Variants in FBH1 observed in about 807,000 individuals in gnomAD.
The protein encoded by FBH1 is DNA 3'-5' helicase 1.
In FBH1, 43 loss-of-function variants were observed where a neutral mutation model predicts 115.5. The ratio of observed to expected loss-of-function variants is 0.37; its 90% CI spans 0.29 to 0.48. The LOEUF (loss-of-function observed/expected upper bound fraction) is 0.48. Ranked by LOEUF, FBH1 falls within the 20% of genes least tolerant of loss-of-function variation. The pLI, the probability that FBH1 is intolerant of heterozygous loss-of-function variation, is 0.99. For missense variants in FBH1, 1,001 were observed against 1,337.3 expected (o/e 0.75, Z 3.92); for synonymous variants, 524 against 507.8 (o/e 1.03, Z -0.43).
Position 5,923,228 on chromosome 10 carries a change from G to T in FBH1, c.2323-393G>T, listed in dbSNP as rs1379277860. ...AAACAGTGGTAAATGTGCATACCCAGCACTTTGTATTCAGGTGCCATTTGT... is the reference window on the plus strand; with the variant it reads ...AAACAGTGGTAAATGTGCATACCCATCACTTTGTATTCAGGTGCCATTTGT... On this transcript the variant is annotated intron_variant, in intron 15 of 20. Transcript: ENST00000362091. The surrounding 1 kb of genome is among the most constrained non-coding windows in gnomAD (Gnocchi z 5.7). 6.6e-6 allele frequency among the ~76,000 whole-genome samples: 1 copy of T among 152,198 alleles called. No homozygotes were observed. The highest frequency in any genetic ancestry group is 1.5e-5 in the Non-Finnish European group (1 of 68,038).
intron 1 of FBH1, among the ~76,000 whole-genome samples, chr10:5,899,068 A>G (rs948547740): frequency 6.6e-6 from 1 of 152,214 alleles, no homozygotes; most frequent in African/African-American, 2.4e-5. Flanking sequence ...CAAATCTGCC[A>G]GCCTCTGTTT....
At chr10:5,894,857 C>T (rs1842920333) in intron 1 of FBH1, among the ~76,000 whole-genome samples, 1 of 152,176 alleles carries the variant, frequency 6.6e-6, no homozygotes, top group Non-Finnish European at 1.5e-5. Context: ...ATATGTAATA[C>T]AGTGCAATTA....
Position 5,915,450 on chromosome 10 carries a change from C to G in FBH1, c.1444C>G (p.Gln482Glu), listed in dbSNP as rs1831866212. The G allele has an allele frequency of 1.2e-6, 2 of 1,614,090 alleles. No homozygotes were observed. The highest frequency in any genetic ancestry group is 2.7e-5 in the African/African-American group (2 of 74,924). The change falls in exon 9 of 21, where the codon CAG becomes GAG. Residue 482 changes from glutamine to glutamate, a missense_variant. This residue lies in a region of FBH1 where 521 missense variants were observed against 811.0 expected (regional missense o/e 0.64). Transcript: ENST00000362091. This position sits in a 1 kb window ranked among gnomAD's most constrained non-coding sequence, Gnocchi z 5.2. ...GGTCAAGTATGCAGAGAAGTGGTCT[C>G]AGAGCAGGTTTCTGTATGTGACATT... is the stretch of plus-strand genomic sequence containing the variant. The part of the protein sequence containing the change: ...TLVKYAEKWS[Q>E]SRFLYVTFNK...
chr10:5,892,729 T>G (rs1387321775), intron 1 of FBH1, among the ~76,000 whole-genome samples: 1 of 152,274 alleles, frequency 6.6e-6, no homozygotes, highest in Non-Finnish European at 1.5e-5. Flanking sequence ...CTTTTATTCC[T>G]TAACATGGTT....
intron 15 of FBH1, among the ~76,000 whole-genome samples, chr10:5,922,399 A>G (rs1832368338): frequency 6.6e-6 from 1 of 152,188 alleles, no homozygotes; most frequent in Non-Finnish European, 1.5e-5. Context: ...TTTTTCACTC[A>G]ACACATAGGC....
intron 1 of FBH1, among the ~76,000 whole-genome samples, chr10:5,899,692 C>T (rs538181167): frequency 3.3e-5 from 5 of 152,274 alleles, no homozygotes; most frequent in South Asian, 2.1e-4. Flanking sequence ...CCAGGATTTT[C>T]GGGTGTTCTG....
In FBH1 at chr10:5,914,805, G is replaced by A. The variant is rs1050253811; in HGVS notation, c.1396+536G>A. On this transcript the variant is annotated intron_variant, in intron 8 of 20. Transcript: ENST00000362091. This position sits in a 1 kb window ranked among gnomAD's most constrained non-coding sequence, Gnocchi z 5.2. Reference sequence around the variant, plus strand: ...GCTATTTGCTATTTTTTTTCTGCCTGTAATCCCTTCCTGCTCCTTTTGTGG... The same window carrying A: ...GCTATTTGCTATTTTTTTTCTGCCTATAATCCCTTCCTGCTCCTTTTGTGG... Among the ~76,000 whole-genome samples the A allele has an allele frequency of 1.3e-5, 2 of 152,070 alleles. No individual in the cohort carries two copies. Among genetic ancestry groups the A allele is most frequent in the African/African-American group, 4.8e-5 (2 of 41,404 alleles).
chr10:5,902,870 TGGG>T lies in FBH1; in HGVS notation c.2-146_2-144del, dbSNP rs1267651024. On this transcript the variant is annotated intron_variant, in intron 1 of 20. Transcript: ENST00000362091. ...TGCGAAGAAATTGAAAGGACAAAGT[TGGG>T]GGGCAAGGGGAGGGGGGAACGGTTG... 1.3e-5 allele frequency: 7 copies of T among 540,850 alleles called. No individual in the cohort carries two copies. In the East Asian group the frequency reaches 1.7e-4, roughly 13 times the overall value. 33.5% of individuals were successfully genotyped at this position (540,850 alleles called of 1,614,324 possible).
intron 1 of FBH1, among the ~76,000 whole-genome samples, chr10:5,891,591 C>T (rs1001182361): frequency 1.3e-5 from 2 of 152,126 alleles, no homozygotes; most frequent in African/African-American, 4.8e-5. Flanking sequence ...TTGGGACACA[C>T]GGGTTCACAG....
intron 18 of FBH1, among the ~76,000 whole-genome samples, chr10:5,926,902 GAC>G (rs1354061157): frequency 3.3e-5 from 5 of 152,244 alleles, no homozygotes; most frequent in Admixed American, 6.5e-5. Context: ...GAACAGCACA[GAC>G]ACACAGCACA....
chr10:5,927,372 A>G (rs1270161626), intron 18 of FBH1, 63 bp from the exon 19 acceptor site: 20 of 1,236,244 alleles, frequency 1.6e-5, no homozygotes, highest in Middle Eastern at 2.0e-4. Flanking sequence ...TAGATGAGAC[A>G]TAAGGTTTTG....
chr10:5,892,617 T>C (rs897806458), intron 1 of FBH1, among the ~76,000 whole-genome samples: 6 of 152,234 alleles, frequency 3.9e-5, no homozygotes, highest in African/African-American at 1.2e-4. Flanking sequence ...AAACATGGTA[T>C]TCCACAGATA....
At chr10:5,899,920 C>T (rs998022460) in intron 1 of FBH1, among the ~76,000 whole-genome samples, 2 of 152,164 alleles carry the variant, frequency 1.3e-5, no homozygotes, top group African/African-American at 4.8e-5. Flanking sequence ...ACTTCACATT[C>T]ATATTTTGTT....
At position 5,915,634 on chromosome 10, in the gene FBH1, C is replaced by T. The variant is rs552364773; in HGVS notation, c.1565+63C>T. On this transcript the variant is annotated intron_variant, in intron 9 of 20. Transcript: ENST00000362091. This position sits in a 1 kb window ranked among gnomAD's most constrained non-coding sequence, Gnocchi z 5.2. The stretch of plus-strand genomic sequence containing the variant: ...GCACGGTCGCGTCTTACTGTTTTCC[C>T]GTGACGATCACATGTGAGCTTACAC... The T allele has an allele frequency of 2.1e-5, 31 of 1,504,680 alleles. No homozygotes were observed. In the Admixed American group the frequency reaches 2.1e-4, roughly 10 times the overall value. 93.2% of individuals were successfully genotyped at this position (1,504,680 alleles called of 1,614,324 possible).
chr10:5,909,133 T>C lies in FBH1; in HGVS notation c.885-26T>C. On this transcript the variant is annotated intron_variant, in intron 4 of 20. Transcript: ENST00000362091. This position sits in a 1 kb window ranked among gnomAD's most constrained non-coding sequence, Gnocchi z 4.4. The stretch of plus-strand genomic sequence containing the variant: ...TCAGTGCTTATGGTCACCCTACTCA[T>C]GGCCTCTCCTGTGAATGTCTTACAG... 6.2e-7 allele frequency: 1 copy of C among 1,613,462 alleles called. No individual in the cohort carries two copies. The highest frequency in any genetic ancestry group is 8.5e-7 in the Non-Finnish European group (1 of 1,179,802).
Position 5,906,304 on chromosome 10 carries a change from G to A in FBH1, c.425G>A (p.Gly142Glu), listed in dbSNP as rs750988878. Residue 142 changes from glycine to glutamate, a missense_variant, in exon 3 of 21, where the codon GGA (glycine) becomes GAA (glutamate). Coordinates refer to ENST00000362091, the MANE Select transcript of FBH1 (RefSeq NM_178150.3). The surrounding 1 kb of genome is among the most constrained non-coding windows in gnomAD (Gnocchi z 7.3). ...GCTACCGGGACCAGCCGGTGGGATG[G>A]AGTTTCTAAGAAAGCTCCACGGCAC... ...NQATGTSRWD[G>E]VSKKAPRHHL... is the part of the protein sequence containing the mutation. 6.2e-7 allele frequency: 1 copy of A among 1,614,214 alleles called. No homozygotes were observed. Among genetic ancestry groups the A allele is most frequent in the South Asian group, 1.1e-5 (1 of 91,090 alleles).
chr10:5,918,804 T>G lies in FBH1; in HGVS notation c.2100+326T>G, dbSNP rs1456249154. 6.6e-6 allele frequency among the ~76,000 whole-genome samples: 1 copy of G among 152,230 alleles called. No homozygotes were observed. The highest frequency in any genetic ancestry group is 1.5e-5 in the Non-Finnish European group (1 of 68,042). On this transcript the variant is annotated intron_variant, in intron 13 of 20. Coordinates refer to ENST00000362091, the MANE Select transcript of FBH1 (RefSeq NM_178150.3). This position sits in a 1 kb window ranked among gnomAD's most constrained non-coding sequence, Gnocchi z 4.0. Reference sequence around the variant, plus strand: ...TATTTGGCACTTTTTCAAAGACAAGTGAAACAAGCTGCGACTTCAGGGAAA... The same window carrying G: ...TATTTGGCACTTTTTCAAAGACAAGGGAAACAAGCTGCGACTTCAGGGAAA...
At chr10:5,891,102 C>G (rs955537756) in intron 1 of FBH1, 2 of 979,008 alleles carry the variant, frequency 2.0e-6, no homozygotes, top group South Asian at 4.7e-5. Flanking sequence ...CAGTGACTTT[C>G]TTACAGAATT....
intron 19 of FBH1, among the ~76,000 whole-genome samples, chr10:5,927,798 A>C (rs1832741659): frequency 6.6e-6 from 1 of 151,790 alleles, no homozygotes; most frequent in South Asian, 2.1e-4. Flanking sequence ...TGGGCCAGGC[A>C]CAGTGGCTTA....
Sources: allele counts gnomAD v4.1 joint callset (sites outside exome capture counted in the v4.1 genomes callset), GRCh38; gene constraint gnomAD v4.1.1; regional missense constraint gnomAD v4.1.1; non-coding constraint Gnocchi (gnomAD v3.1); transcripts MANE v1.5; gene names NCBI Gene and HGNC (gene_info 2026-07-23, HGNC 2026-07-21).